Variants in PSME4 observed in about 807,000 individuals in gnomAD.
The protein encoded by PSME4 is proteasome activator complex subunit 4.
Under a neutral mutation model 253.9 loss-of-function variants are expected in PSME4, and 89 were observed. That is an observed-to-expected ratio of 0.35 (90% CI 0.30 to 0.42). PSME4 has a LOEUF of 0.42. PSME4 is among the 10% of genes least tolerant of loss of function. PSME4 has a pLI of 1.00. For synonymous variants in PSME4, 851 were observed against 759.2 expected (o/e 1.12, Z -1.99); for missense variants, 2,014 against 2,195.2 (o/e 0.92, Z 1.65).
intron 1 of PSME4, among the ~76,000 whole-genome samples, chr2:53,949,811 T>C (rs148065542): frequency 1.3e-4 from 20 of 152,342 alleles, no homozygotes; most frequent in African/African-American, 4.6e-4. Flanking sequence ...AATGTATATA[T>C]GGTTAACAAT....
At chr2:53,887,525 G>T in intron 39 of PSME4, 58 bp from the exon 40 acceptor site, 1 of 1,453,264 alleles carries the variant, frequency 6.9e-7, no homozygotes, top group Non-Finnish European at 9.5e-7. Context: ...TAAAAATGAG[G>T]TTCAAAAGTT....
chr2:53,923,168 CA>C (rs1414217414), intron 15 of PSME4, 50 bp from the exon 16 acceptor site: 1 of 1,519,674 alleles, frequency 6.6e-7, no homozygotes, highest in Non-Finnish European at 9.0e-7. Context: ...CAAATATATA[CA>C]AGATTATATT....
chr2:53,965,194 T>G (rs1335360637), intron 1 of PSME4, among the ~76,000 whole-genome samples: 4 of 151,460 alleles, frequency 2.6e-5, no homozygotes, highest in Admixed American at 6.6e-5. Context: ...CGCCCTTTCC[T>G]CCAGACCAGT....
intron 3 of PSME4, among the ~76,000 whole-genome samples, chr2:53,943,117 G>C (rs972335485): frequency 6.6e-6 from 1 of 152,238 alleles, no homozygotes; most frequent in African/African-American, 2.4e-5. Flanking sequence ...CCAGGGAAAA[G>C]TATAGCAAAT....
chr2:53,917,934 A>G (rs146481842), intron 20 of PSME4, among the ~76,000 whole-genome samples: 23 of 152,348 alleles, frequency 1.5e-4, no homozygotes, highest in Admixed American at 3.9e-4. Flanking sequence ...GCAAATTCCT[A>G]AACACACTTA....
chr2:53,883,214 A>G (rs953500752), intron 41 of PSME4, among the ~76,000 whole-genome samples: 1 of 152,190 alleles, frequency 6.6e-6, no homozygotes, highest in African/African-American at 2.4e-5. Context: ...ACTATTTTTT[A>G]TTAAATTAGG....
At chr2:53,940,415 G>C (rs1286249719) in intron 3 of PSME4, among the ~76,000 whole-genome samples, 2 of 152,062 alleles carry the variant, frequency 1.3e-5, no homozygotes, top group Non-Finnish European at 2.9e-5. Context: ...TCAGAAATTA[G>C]CTTTCACAAC....
At chr2:53,867,276 G>A (rs1327231837) in intron 44 of PSME4, among the ~76,000 whole-genome samples, 9 of 152,120 alleles carry the variant, frequency 5.9e-5, no homozygotes, top group Non-Finnish European at 1.2e-4. Context: ...AGACCAGGGC[G>A]GGTGGATGAC....
Position 53,937,469 on chromosome 2 carries a change from G to C in PSME4, c.617C>G (p.Thr206Ser), listed in dbSNP as rs1408788250. ...WRPLMCPFDV[T>S]MQKAITYFEI... ...AAAATAAGTGATGGCCTTTTGCATG[G>C]TTACATCAAAAGGGCACATTAAAGG... Residue 206 changes from threonine (T) to serine (S), a missense_variant, in exon 5 of 47, where the codon ACC becomes AGC. Around this residue, in one of 4 missense-constraint regions of PSME4, gnomAD observed 615 missense variants for 594.4 expected, o/e 1.03. Transcript: ENST00000404125. 6.2e-7 allele frequency: 1 copy of C among 1,610,236 alleles called. No homozygotes were observed. The highest frequency in any genetic ancestry group is 1.7e-5 in the Admixed American group (1 of 59,676).
chr2:53,875,786 G>C, intron 41 of PSME4, 31 bp from the exon 42 acceptor site: 1 of 1,596,410 alleles, frequency 6.3e-7, no homozygotes, highest in Admixed American at 1.7e-5. Context: ...GACAAAAATG[G>C]AAAAATAATT....
chr2:53,907,014 C>G, intron 24 of PSME4, 146 bp from the exon 25 acceptor site: 1 of 646,948 alleles, frequency 1.5e-6, no homozygotes, highest in Non-Finnish European at 2.6e-6. Flanking sequence ...CTAAAGACAT[C>G]AGGCTTATAT....
chr2:53,959,003 G>T (rs1445088117), intron 1 of PSME4, among the ~76,000 whole-genome samples: 1 of 152,088 alleles, frequency 6.6e-6, no homozygotes, highest in African/African-American at 2.4e-5. Context: ...CAAATGGCGA[G>T]AAATAAGGAC....
At chr2:53,969,687 G>GTTTT (rs61560289) in intron 1 of PSME4, among the ~76,000 whole-genome samples, 2 of 138,956 alleles carry the variant, frequency 1.4e-5, no homozygotes, top group South Asian at 2.3e-4. Flanking sequence ...ATTTTCACTC[G>GTTTT]TTTTTTTTTT....
At chr2:53,932,191 T>A (rs1668862842) in intron 9 of PSME4, 91 bp from the exon 10 acceptor site, 2 of 1,198,268 alleles carry the variant, frequency 1.7e-6, no homozygotes, top group Non-Finnish European at 2.4e-6. Flanking sequence ...GAAAAGATTT[T>A]AAAAATAACA....
chr2:53,901,109 T>C lies in PSME4; in HGVS notation c.3285+241A>G, dbSNP rs188196968. Reference sequence around the variant, plus strand: ...AATAAGGGTAAATATAACAAATCAATAACCCTTTGTGGAGCCCTGGCTGTC... The same window carrying C: ...AATAAGGGTAAATATAACAAATCAACAACCCTTTGTGGAGCCCTGGCTGTC... On this transcript the variant is annotated intron_variant, in intron 28 of 46. Coordinates refer to ENST00000404125, the MANE Select transcript of PSME4 (RefSeq NM_014614.3). 1.6e-3 allele frequency among the ~76,000 whole-genome samples: 245 copies of C among 152,166 alleles called. 2 individuals carry two copies. The highest frequency in any genetic ancestry group is 0.01 in the Middle Eastern group (3 of 294).
At chr2:53,907,846 A>G (rs1680727848) in intron 24 of PSME4, 1 of 152,972 alleles carries the variant, frequency 6.5e-6, no homozygotes, top group Non-Finnish European at 1.5e-5. Context: ...CAATTTCAGT[A>G]AAAGTTTCTG....
rs764208378 is a variant in PSME4 at position 53,897,960 on chromosome 2, A to T, written c.3516T>A (p.Ser1172=). 6.2e-7 allele frequency: 1 copy of T among 1,613,694 alleles called. No homozygotes were observed. The highest frequency in any genetic ancestry group is 1.1e-5 in the South Asian group (1 of 91,074). The change falls in exon 31 of 47, where the codon TCT becomes TCA. Residue 1172 remains serine, a synonymous_variant. Coordinates refer to ENST00000404125, the MANE Select transcript of PSME4 (RefSeq NM_014614.3). ...KFEHIGIGLL[S]LLLRDDRVLP... is the part of the protein sequence containing the mutation. ...ACACTCGGTCATCTCTCAGCAGTAG[A>T]GACAGAAGCCCAATGCCTATATGTT...
intron 1 of PSME4, among the ~76,000 whole-genome samples, chr2:53,964,036 A>T (rs1227562370): frequency 6.6e-6 from 1 of 152,190 alleles, no homozygotes; most frequent in African/African-American, 2.4e-5. Flanking sequence ...ATGTAATGAA[A>T]AGAGTTTAAA....
At chr2:53,907,566 A>C (rs1003078353) in intron 24 of PSME4, among the ~76,000 whole-genome samples, 1 of 152,152 alleles carries the variant, frequency 6.6e-6, no homozygotes, top group Non-Finnish European at 1.5e-5. Context: ...AGAGCTTTTT[A>C]ATGTTTAGTG....
Sources: gnomAD v4.1 joint callset for allele counts (sites outside exome capture counted in the v4.1 genomes callset) on GRCh38, gnomAD v4.1.1 for gene constraint, gnomAD v4.1.1 regional missense constraint, MANE v1.5 for transcripts, NCBI Gene and HGNC (gene_info 2026-07-23, HGNC 2026-07-21) for gene names.